The following LOX variants were observed in gnomAD, a reference collection of about 807,000 sequenced individuals.
LOX encodes protein-lysine 6-oxidase.
LOX carries 12 observed loss-of-function variants against 50.5 expected under a neutral mutation model. That is an observed-to-expected ratio of 0.24 (90% CI 0.15 to 0.38). The LOEUF is 0.38. Among genes scored for constraint, LOX ranks in the 10% least tolerant of loss-of-function variants. The probability of loss-of-function intolerance (pLI) is 1.00; values close to 1 mark genes in which losing one functional copy is unlikely to be tolerated. For synonymous variants in LOX, 254 were observed against 230.6 expected (o/e 1.10, Z -0.92); for missense variants, 504 against 563.8 (o/e 0.89, Z 1.07).
At position 122,072,882 on chromosome 5, in the gene LOX, G is replaced by A. The variant is rs3805443; in HGVS notation, c.1035+1131C>T. Among the ~76,000 whole-genome samples the A allele has an allele frequency of 4.9e-3, 741 of 152,192 alleles. 17 individuals carry two copies. Among genetic ancestry groups the A allele is most frequent in the East Asian group, 0.046 (237 of 5,176 alleles). ...CCAGAGTGCCTCTTTTTGTAAATGGGGCAAATAAACTCTAGGTCCCTTGCA... is the reference window on the plus strand; with the variant it reads ...CCAGAGTGCCTCTTTTTGTAAATGGAGCAAATAAACTCTAGGTCCCTTGCA... On this transcript the variant is annotated intron_variant, in intron 4 of 6. Transcript: ENST00000231004.
intron 4 of LOX, among the ~76,000 whole-genome samples, chr5:122,073,240 T>TA (rs898125832): frequency 1.4e-4 from 22 of 152,160 alleles, no homozygotes; most frequent in African/African-American, 5.3e-4. Flanking sequence ...TAGGGTTTCA[T>TA]ATGGAAATAC....
In LOX at chr5:122,077,440, AG is replaced by A. The variant is rs1372924173; in HGVS notation, c.545del (p.Pro182LeufsTer55). The A allele has an allele frequency of 6.2e-7, 1 of 1,614,044 alleles. No individual in the cohort carries two copies. Among genetic ancestry groups the A allele is most frequent in the Non-Finnish European group, 8.5e-7 (1 of 1,179,982 alleles). On this transcript the variant is annotated frameshift_variant, in exon 1 of 7. Coordinates refer to ENST00000231004, the MANE Select transcript of LOX (RefSeq NM_002317.7). LOFTEE classifies it high-confidence loss of function. The surrounding 1 kb of genome is among the most constrained non-coding windows in gnomAD (Gnocchi z 4.9). ...YNPYKYSDDN[P>X]YYNYYDTYER... ...CATAAGTATCGTAGTAGTTGTAATA[AG>A]GGTTGTCGTCAGAGTACTTGTAGGG...
chr5:122,071,295 A>G (rs1464221618), intron 4 of LOX, among the ~76,000 whole-genome samples: 1 of 152,086 alleles, frequency 6.6e-6, no homozygotes, highest in Non-Finnish European at 1.5e-5. Flanking sequence ...AAGGCACACT[A>G]AGATCAAATA....
rs1754697414 is a variant in LOX, at chr5:122,078,127, A to G, written c.-142T>C. ...CGGGTATCTCAGTCTCCACCAAGCAATGCCAAGGGTGGGATTCAGACCCTT... is the reference window on the plus strand; with the variant it reads ...CGGGTATCTCAGTCTCCACCAAGCAGTGCCAAGGGTGGGATTCAGACCCTT... On this transcript the variant is annotated 5_prime_UTR_variant, in exon 1 of 7. Transcript: ENST00000231004. The G allele has an allele frequency of 1.7e-5, 12 of 719,372 alleles. No homozygotes were observed. In the South Asian group the frequency reaches 3.8e-4, roughly 23 times the overall value. The allele number at this position is 719,372 out of a possible 1,614,324, so 44.6% of individuals were successfully genotyped here. A position where few individuals can be genotyped will look rare whatever the true frequency, so the allele number is the denominator to read the frequency against.
chr5:122,073,109 A>T lies in LOX; in HGVS notation c.1035+904T>A, dbSNP rs77267561. Among the ~76,000 whole-genome samples, 438 of 152,302 alleles carry T rather than the reference A, an allele frequency of 2.9e-3. 3 individuals are homozygous for T. The highest frequency in any genetic ancestry group is 9.8e-3 in the African/African-American group (406 of 41,556). Reference sequence around the variant, plus strand: ...AGGTCACCAAACAGCTTCCTGCCACAGCCCTGGAATTTGCTTCCCAAGATG... The same window carrying T: ...AGGTCACCAAACAGCTTCCTGCCACTGCCCTGGAATTTGCTTCCCAAGATG... On this transcript the variant is annotated intron_variant, in intron 4 of 6. Coordinates refer to ENST00000231004, the MANE Select transcript of LOX (RefSeq NM_002317.7).
At position 122,073,958 on chromosome 5, in the gene LOX, G is replaced by A. The variant is rs548738189; in HGVS notation, c.1035+55C>T. On this transcript the variant is annotated intron_variant, in intron 4 of 6. Coordinates refer to ENST00000231004, the MANE Select transcript of LOX (RefSeq NM_002317.7). ...TGCTATTTAATGCTAACTAACGGTAGATGACCCGTTTCTCTCTGAGGCTTG... is the reference window on the plus strand; with the variant it reads ...TGCTATTTAATGCTAACTAACGGTAAATGACCCGTTTCTCTCTGAGGCTTG... 2.6e-6 allele frequency: 4 copies of A among 1,523,356 alleles called. No individual in the cohort carries two copies. In the Admixed American group the frequency reaches 5.1e-5, roughly 19 times the overall value. The allele number at this position is 1,523,356 out of a possible 1,614,324, so 94.4% of individuals were successfully genotyped here. A position where few individuals can be genotyped will look rare whatever the true frequency, so the allele number is the denominator to read the frequency against.
chr5:122,077,518 G>C lies in LOX; in HGVS notation c.468C>G (p.Asn156Lys). 1 of 1,613,834 alleles carries C rather than the reference G, an allele frequency of 6.2e-7. No individual in the cohort carries two copies. Among genetic ancestry groups the C allele is most frequent in the Non-Finnish European group, 8.5e-7 (1 of 1,179,992 alleles). Residue 156 changes from asparagine (N) to lysine (K), a missense_variant, in exon 1 of 7, where the codon AAC becomes AAG. This residue lies in a region of LOX where 398 missense variants were observed against 365.8 expected (regional missense o/e 1.09). Transcript: ENST00000231004. The surrounding 1 kb of genome is among the most constrained non-coding windows in gnomAD (Gnocchi z 4.9). Reference protein sequence around the residue: ...TAPGEVPALSNLRPPSRVDGM... With the variant: ...TAPGEVPALSKLRPPSRVDGM... Reference sequence around the variant, plus strand: ...CGTCCACGCGGCTGGGCGGCCGCAGGTTACTGAGCGCAGGAACTTCTCCCG... The same window carrying C: ...CGTCCACGCGGCTGGGCGGCCGCAGCTTACTGAGCGCAGGAACTTCTCCCG...
rs550056190 is a variant in LOX, at chr5:122,070,803, A to G, written c.1036-214T>C. On this transcript the variant is annotated intron_variant, in intron 4 of 6. Coordinates refer to ENST00000231004, the MANE Select transcript of LOX (RefSeq NM_002317.7). ...ATACAGGACTAATATAAGTAGTAGT[A>G]CACCTCACTTCTTAAAAGTGTCATA... 326 of 369,628 alleles carry G rather than the reference A, an allele frequency of 8.8e-4. 2 individuals are homozygous for G. Among genetic ancestry groups the G allele is most frequent in the African/African-American group, 6.3e-3 (304 of 48,254 alleles). 22.9% of individuals were successfully genotyped at this position (369,628 alleles called of 1,614,324 possible). A position where few individuals can be genotyped will look rare whatever the true frequency, so the allele number is the denominator to read the frequency against.
Position 122,075,442 on chromosome 5 carries a change from G to A in LOX, c.840C>T (p.Ser280=), listed in dbSNP as rs370861938. The change falls in exon 3 of 7, where the codon AGC becomes AGT. Residue 280 remains serine, a synonymous_variant. Coordinates refer to ENST00000231004, the MANE Select transcript of LOX (RefSeq NM_002317.7). ...GCCATTCCCAGGAATATCTTGGTCG[G>A]CTGGGTAAGAAATCTGATGTCCCTT... ...KNQGTSDFLP[S]RPRYSWEWHS... is the part of the protein sequence containing the mutation. The A allele has an allele frequency of 6.0e-5, 97 of 1,613,512 alleles. No individual in the cohort carries two copies. The highest frequency in any genetic ancestry group is 7.0e-5 in the Non-Finnish European group (83 of 1,179,768).
chr5:122,078,158 G>T lies in LOX; in HGVS notation c.-173C>A. ...AGGGTGGGATTCAGACCCTTCCCCA[G>T]TCAAGGCGGCTGCTCGGACGTGGCA... is the stretch of plus-strand genomic sequence containing the variant. On this transcript the variant is annotated 5_prime_UTR_variant, in exon 1 of 7. The change creates a new upstream start codon in the 5' untranslated region. Coordinates refer to ENST00000231004, the MANE Select transcript of LOX (RefSeq NM_002317.7). 1.9e-6 allele frequency: 1 copy of T among 538,856 alleles called. No homozygotes were observed. The highest frequency in any genetic ancestry group is 2.9e-6 in the Non-Finnish European group (1 of 339,908). 33.4% of individuals were successfully genotyped at this position (538,856 alleles called of 1,614,324 possible).
rs574961479 is a variant in LOX, at chr5:122,077,198, G to T, written c.631+157C>A. 11 of 1,471,994 alleles carry T rather than the reference G, an allele frequency of 7.5e-6. No individual in the cohort carries two copies. The African/African-American group carries it at 1.3e-4, about 17-fold the overall frequency. The allele number at this position is 1,471,994 out of a possible 1,614,324, so 91.2% of individuals were successfully genotyped here. A position where few individuals can be genotyped will look rare whatever the true frequency, so the allele number is the denominator to read the frequency against. On this transcript the variant is annotated intron_variant, in intron 1 of 6. Coordinates refer to ENST00000231004, the MANE Select transcript of LOX (RefSeq NM_002317.7). The surrounding 1 kb of genome is among the most constrained non-coding windows in gnomAD (Gnocchi z 4.9). ...AGGAAGCAGGAGGGGCCAGACGCGCGGTTTGCACTGGATTCCAGGGCTGCC... is the reference window on the plus strand; with the variant it reads ...AGGAAGCAGGAGGGGCCAGACGCGCTGTTTGCACTGGATTCCAGGGCTGCC...
At position 122,077,235 on chromosome 5, in the gene LOX, G is replaced by GT; in HGVS notation, c.631+119dup. On this transcript the variant is annotated intron_variant, in intron 1 of 6. Transcript: ENST00000231004. The surrounding 1 kb of genome is among the most constrained non-coding windows in gnomAD (Gnocchi z 4.9). ...ATTCCAGGGCTGCCACTGCAGGCGC[G>GT]TGGGGGAGGGATCGGATCTGCGAGG... 6.6e-7 allele frequency: 1 copy of GT among 1,512,338 alleles called. No homozygotes were observed. The highest frequency in any genetic ancestry group is 1.3e-5 in the South Asian group (1 of 77,098). The allele number at this position is 1,512,338 out of a possible 1,614,324, so 93.7% of individuals were successfully genotyped here.
intron 4 of LOX, 49 bp from the exon 5 acceptor site, chr5:122,070,638 T>A (rs745648830): frequency 2.1e-6 from 2 of 944,638 alleles, no homozygotes; most frequent in South Asian, 1.5e-5. Context: ...GTGGTCAGAC[T>A]ATGATAAATA....
Position 122,074,004 on chromosome 5 carries a change from C to T in LOX, c.1035+9G>A. 1 of 1,603,566 alleles carries T rather than the reference C, an allele frequency of 6.2e-7. No individual in the cohort carries two copies. Among genetic ancestry groups the T allele is most frequent in the South Asian group, 1.1e-5 (1 of 90,530 alleles). On this transcript the variant is annotated intron_variant, in intron 4 of 6. Transcript: ENST00000231004. ...GCTTGAGGTTCTGGATTTCAGGGTG[C>T]CAACATACCTGTGTGTGTGCAGTAC...
chr5:122,076,830 A>G, intron 2 of LOX, 63 bp downstream of exon 2: 4 of 1,437,602 alleles, frequency 2.8e-6, no homozygotes, highest in Non-Finnish European at 3.9e-6. Context: ...AGTCAGAACC[A>G]GGCACCAGAG....
chr5:122,077,534 A>G lies in LOX; in HGVS notation c.452T>C (p.Val151Ala). 2 of 1,613,556 alleles carry G rather than the reference A, an allele frequency of 1.2e-6. No individual in the cohort carries two copies. Among genetic ancestry groups the G allele is most frequent in the African/African-American group, 1.3e-5 (1 of 75,024 alleles). Reference protein sequence around the residue: ...RAENQTAPGEVPALSNLRPPS... With the variant: ...RAENQTAPGEAPALSNLRPPS... ...CGGCCGCAGGTTACTGAGCGCAGGA[A>G]CTTCTCCCGGCGCTGTCTGGTTCTC... The change falls in exon 1 of 7, where the codon GTT (valine) becomes GCT (alanine). Residue 151 changes from valine (V) to alanine (A), a missense_variant. By Grantham distance (64) the Val-to-Ala change is moderately conservative. Transcript: ENST00000231004. The surrounding 1 kb of genome is among the most constrained non-coding windows in gnomAD (Gnocchi z 4.9).
intron 6 of LOX, among the ~76,000 whole-genome samples, chr5:122,068,972 C>T (rs759862238): frequency 6.6e-6 from 1 of 152,010 alleles, no homozygotes; most frequent in South Asian, 2.1e-4. Context: ...ACCAACTCCA[C>T]ACAATATGGG....
intron 6 of LOX, among the ~76,000 whole-genome samples, chr5:122,068,620 G>T (rs1754366911): frequency 6.6e-6 from 1 of 152,092 alleles, no homozygotes; most frequent in African/African-American, 2.4e-5. Context: ...ATACAACAGT[G>T]GACAAGAGAC....
chr5:122,073,951 A>G (rs1754532815), intron 4 of LOX, 62 bp downstream of exon 4: 1 of 1,472,740 alleles, frequency 6.8e-7, no homozygotes, highest in South Asian at 1.2e-5. Flanking sequence ...AATGCTAACT[A>G]ACGGTAGATG....
Sources: gnomAD v4.1 joint callset for allele counts (sites outside exome capture counted in the v4.1 genomes callset) on GRCh38, gnomAD v4.1.1 for gene constraint, gnomAD v4.1.1 regional missense constraint, Gnocchi (gnomAD v3.1) non-coding constraint, MANE v1.5 for transcripts, NCBI Gene and HGNC (gene_info 2026-07-23, HGNC 2026-07-21) for gene names.